PRKCE: variants seen among roughly 807,000 people sequenced by gnomAD.
The protein encoded by PRKCE is protein kinase C epsilon, also known as protein kinase C epsilon type.
Under a neutral mutation model 85.4 loss-of-function variants are expected in PRKCE, and 16 were observed. The ratio of observed to expected loss-of-function variants is 0.19; its 90% CI spans 0.13 to 0.28. The LOEUF (loss-of-function observed/expected upper bound fraction) is 0.28, where lower values mean the gene tolerates loss of function less well. PRKCE is among the 10% of genes least tolerant of loss of function. The pLI is 1.00. For synonymous variants in PRKCE, 388 were observed against 371.5 expected, an observed-to-expected ratio of 1.04 and a Z score of -0.51; for missense variants, 573 against 975.2, an observed-to-expected ratio of 0.59 and a Z score of 5.49.
intron 11 of PRKCE, among the ~76,000 whole-genome samples, chr2:46,128,555 C>T (rs1674098376): frequency 6.6e-6 from 1 of 152,152 alleles, no homozygotes; most frequent in South Asian, 2.1e-4. Context: ...CAGACTTAGG[C>T]CTGGGAGACG....
chr2:45,878,197 C>T (rs868462264), intron 2 of PRKCE, among the ~76,000 whole-genome samples: 7 of 152,204 alleles, frequency 4.6e-5, no homozygotes, highest in Admixed American at 1.3e-4. Context: ...CCTGGTGTTT[C>T]GGTAACACCT....
intron 1 of PRKCE, among the ~76,000 whole-genome samples, chr2:45,723,539 T>C (rs151163199): frequency 1.3e-5 from 2 of 152,360 alleles, no homozygotes; most frequent in Non-Finnish European, 2.9e-5. Flanking sequence ...CCGTTCCTTC[T>C]GCCCAGTGTG....
intron 6 of PRKCE, among the ~76,000 whole-genome samples, chr2:45,997,063 A>T (rs1469330098): frequency 6.6e-6 from 1 of 152,118 alleles, no homozygotes; most frequent in Non-Finnish European, 1.5e-5. Flanking sequence ...TATTTTAAGG[A>T]ATTAGTCTCA....
At chr2:45,777,181 G>C (rs542573429) in intron 1 of PRKCE, among the ~76,000 whole-genome samples, 1 of 152,254 alleles carries the variant, frequency 6.6e-6, no homozygotes, top group African/African-American at 2.4e-5. Flanking sequence ...GAAATAGTGG[G>C]ATCTAACCTT....
chr2:45,744,477 CTTTCTTTCTTTTTCTTTCTTTCT>C lies in PRKCE; in HGVS notation c.348+92041_348+92063del, dbSNP rs1682921960. Among the ~76,000 whole-genome samples, 3 of 45,454 alleles carry C rather than the reference CTTTCTTTCTTTTTCTTTCTTTCT, an allele frequency of 6.6e-5. 1 individual carries two copies. Among genetic ancestry groups the C allele is most frequent in the Non-Finnish European group, 1.4e-4 (3 of 22,108 alleles). 29.8% of individuals were successfully genotyped at this position (45,454 alleles called of 152,430 possible). A position where few individuals can be genotyped will look rare whatever the true frequency, so the allele number is the denominator to read the frequency against. On this transcript the variant is annotated intron_variant, in intron 1 of 14. Coordinates refer to ENST00000306156, the MANE Select transcript of PRKCE (RefSeq NM_005400.3). ...TCTTTCTTTCTTTCTTTCTTTCTTT[CTTTCTTTCTTTTTCTTTCTTTCT>C]TTTCTTTCTTTCTTTCTTTCTTTCT...
At chr2:46,182,492 C>T (rs1680088802) in intron 14 of PRKCE, among the ~76,000 whole-genome samples, 1 of 152,184 alleles carries the variant, frequency 6.6e-6, no homozygotes. Flanking sequence ...TTTCCCATCT[C>T]AGGGGCATCA....
At chr2:45,681,628 GCTCTGCTGATTAT>G (rs1345235749) in intron 1 of PRKCE, among the ~76,000 whole-genome samples, 1 of 152,102 alleles carries the variant, frequency 6.6e-6, no homozygotes, top group Non-Finnish European at 1.5e-5. Flanking sequence ...AATTCATCTG[GCTCTGCTGATTAT>G]CTCTACCTGG....
At chr2:45,876,643 C>T (rs1417079210) in intron 2 of PRKCE, among the ~76,000 whole-genome samples, 1 of 152,206 alleles carries the variant, frequency 6.6e-6, no homozygotes, top group African/African-American at 2.4e-5. Context: ...CACTGATCTC[C>T]TGTCAGTTCA....
Position 46,001,256 on chromosome 2 carries a change from T to C in PRKCE, c.824-148T>C, listed in dbSNP as rs1459188992. On this transcript the variant is annotated intron_variant, in intron 6 of 14. Transcript: ENST00000306156. This position sits in a 1 kb window ranked among gnomAD's most constrained non-coding sequence, Gnocchi z 4.4. ...TTGGTTTTGTATGATGGAAGACATA[T>C]ATATATATATATATATTTCTGTATT... The C allele has an allele frequency of 9.8e-6, 4 of 407,810 alleles. No homozygotes were observed. Among genetic ancestry groups the C allele is most frequent in the Admixed American group, 5.4e-5 (1 of 18,594 alleles). The allele number at this position is 407,810 out of a possible 1,614,324, so 25.3% of individuals were successfully genotyped here.
chr2:45,881,844 G>A (rs781450185), intron 2 of PRKCE, among the ~76,000 whole-genome samples: 1 of 152,184 alleles, frequency 6.6e-6, no homozygotes, highest in Non-Finnish European at 1.5e-5. Context: ...GGCTATCCAG[G>A]GCTCTGTGTA....
Position 46,100,869 on chromosome 2 carries a change from CT to C in PRKCE, c.1592+14508del, listed in dbSNP as rs1436839616. On this transcript the variant is annotated intron_variant, in intron 11 of 14. Coordinates refer to ENST00000306156, the MANE Select transcript of PRKCE (RefSeq NM_005400.3). ...TTCCTTTTCTTTTTTCTCTTCTCTT[CT>C]CTTCTCTTCTCTTTTCTTGATGGGA... Among the ~76,000 whole-genome samples the C allele has an allele frequency of 1.8e-4, 27 of 151,982 alleles. No individual in the cohort carries two copies. In the East Asian group the frequency reaches 5.1e-3, roughly 28 times the overall value.
At chr2:46,095,849 G>A (rs1670631279) in intron 11 of PRKCE, among the ~76,000 whole-genome samples, 1 of 152,212 alleles carries the variant, frequency 6.6e-6, no homozygotes, top group South Asian at 2.1e-4. Context: ...CGTAATAACA[G>A]CAGCAACAAC....
At chr2:45,893,834 G>A (rs1695924694) in intron 2 of PRKCE, among the ~76,000 whole-genome samples, 1 of 152,142 alleles carries the variant, frequency 6.6e-6, no homozygotes, top group East Asian at 1.9e-4. Flanking sequence ...GAGGACCGGG[G>A]CTGGTCTGTT....
intron 2 of PRKCE, among the ~76,000 whole-genome samples, chr2:45,925,207 T>C (rs1698520771): frequency 6.6e-6 from 1 of 152,152 alleles, no homozygotes; most frequent in Non-Finnish European, 1.5e-5. Context: ...AGGGAGAGGG[T>C]GTTCCCCTTT....
chr2:46,148,256 G>T (rs1457825544), intron 12 of PRKCE, among the ~76,000 whole-genome samples: 1 of 152,232 alleles, frequency 6.6e-6, no homozygotes, highest in East Asian at 1.9e-4. Flanking sequence ...CACTTGAGGG[G>T]TTGGCTCCAG....
At chr2:45,725,944 G>T (rs1186721343) in intron 1 of PRKCE, among the ~76,000 whole-genome samples, 1 of 152,258 alleles carries the variant, frequency 6.6e-6, no homozygotes, top group South Asian at 2.1e-4. Context: ...TTCCAGCTCC[G>T]TGGATGACTT....
At chr2:45,964,640 G>A (rs752720661) in intron 2 of PRKCE, among the ~76,000 whole-genome samples, 12 of 152,228 alleles carry the variant, frequency 7.9e-5, no homozygotes, top group Non-Finnish European at 1.5e-4. Context: ...GCGAATGAAT[G>A]AATGAATGAA....
chr2:45,744,505 T>C (rs1381670077), intron 1 of PRKCE, among the ~76,000 whole-genome samples: 3 of 44,586 alleles, frequency 6.7e-5, no homozygotes, highest in African/African-American at 2.8e-4. Context: ...CTTTCTTTTC[T>C]TTCTTTCTTT....
chr2:45,797,394 A>T (rs976893195), intron 1 of PRKCE, among the ~76,000 whole-genome samples: 17 of 152,256 alleles, frequency 1.1e-4, no homozygotes, highest in African/African-American at 4.1e-4. Flanking sequence ...TGGTTTGCCC[A>T]GAACAATCTC....
Sources: gnomAD v4.1 joint callset for allele counts (sites outside exome capture counted in the v4.1 genomes callset) on GRCh38, gnomAD v4.1.1 for gene constraint, Gnocchi (gnomAD v3.1) non-coding constraint, MANE v1.5 for transcripts, NCBI Gene and HGNC (gene_info 2026-07-23, HGNC 2026-07-21) for gene names.